Variants in CTIF observed in about 807,000 individuals in gnomAD.
CTIF encodes the protein cap binding complex dependent translation initiation factor, also known as CBP80/20-dependent translation initiation factor.
A neutral mutation model predicts 66.0 loss-of-function variants in CTIF; 21 were observed. That is an observed-to-expected ratio of 0.32 (90% CI 0.23 to 0.46). CTIF has a LOEUF of 0.46. Ranked by LOEUF, CTIF falls within the 20% of genes least tolerant of loss-of-function variation. The pLI is 1.00. For missense variants in CTIF, 739 were observed against 812.7 expected (o/e 0.91, Z 1.10); for synonymous variants, 345 against 326.4 (o/e 1.06, Z -0.62).
At chr18:48,695,389 A>G (rs901201229) in intron 6 of CTIF, among the ~76,000 whole-genome samples, 3 of 152,190 alleles carry the variant, frequency 2.0e-5, no homozygotes, top group Admixed American at 2.0e-4. Context: ...TGCCAGAGAA[A>G]GGGAACCCAC....
intron 3 of CTIF, among the ~76,000 whole-genome samples, chr18:48,644,754 G>A (rs1318256968): frequency 6.6e-6 from 1 of 152,210 alleles, no homozygotes; most frequent in Non-Finnish European, 1.5e-5. Context: ...TGTGAGTATG[G>A]GGAGGAGTAG....
At chr18:48,549,716 T>C (rs777754724) in intron 1 of CTIF, among the ~76,000 whole-genome samples, 1 of 152,200 alleles carries the variant, frequency 6.6e-6, no homozygotes, top group Non-Finnish European at 1.5e-5. Flanking sequence ...TGCTGAAGAT[T>C]CTATCAAGGC....
chr18:48,697,590 A>G (rs1218302136), intron 6 of CTIF, among the ~76,000 whole-genome samples: 1 of 152,184 alleles, frequency 6.6e-6, no homozygotes, highest in African/African-American at 2.4e-5. Context: ...GATGGTCCTT[A>G]AAGATCAGTG....
chr18:48,573,103 A>G (rs1486483430), intron 1 of CTIF, among the ~76,000 whole-genome samples: 2 of 152,310 alleles, frequency 1.3e-5, no homozygotes, highest in East Asian at 3.9e-4. Flanking sequence ...ATGTGGCTGA[A>G]GCAGTCTTTA....
intron 3 of CTIF, among the ~76,000 whole-genome samples, chr18:48,649,052 G>A (rs1190700845): frequency 6.6e-6 from 1 of 152,220 alleles, no homozygotes; most frequent in Non-Finnish European, 1.5e-5. Context: ...CAGAAGACAG[G>A]TGACTTCTGC....
At chr18:48,854,842 G>A (rs907583929) in intron 10 of CTIF, among the ~76,000 whole-genome samples, 3 of 152,198 alleles carry the variant, frequency 2.0e-5, no homozygotes, top group Non-Finnish European at 4.4e-5. Flanking sequence ...AGGATTGCTC[G>A]AGCCTAAGAG....
At chr18:48,771,831 A>C (rs1439773137) in intron 9 of CTIF, among the ~76,000 whole-genome samples, 1 of 152,188 alleles carries the variant, frequency 6.6e-6, no homozygotes, top group African/African-American at 2.4e-5. Context: ...CGCCGCGGGG[A>C]ATCTGAGCTA....
chr18:48,700,880 G>A (rs1303214663), intron 6 of CTIF, among the ~76,000 whole-genome samples: 4 of 152,222 alleles, frequency 2.6e-5, no homozygotes, highest in South Asian at 2.1e-4. Flanking sequence ...ACAGGGCACC[G>A]TGGGCATCCT....
At chr18:48,701,916 T>A (rs1285360228) in intron 6 of CTIF, among the ~76,000 whole-genome samples, 1 of 152,230 alleles carries the variant, frequency 6.6e-6, no homozygotes, top group East Asian at 1.9e-4. Flanking sequence ...TGTTAAATTA[T>A]TTAGGACTTT....
In CTIF at chr18:48,707,239, C is replaced by T. The variant is rs565606043; in HGVS notation, c.508-4380C>T. On this transcript the variant is annotated intron_variant, in intron 6 of 11. Coordinates refer to ENST00000256413, the MANE Select transcript of CTIF (RefSeq NM_014772.3). Reference sequence around the variant, plus strand: ...CCACTGTATGTGCTTTTAAAGGATACATTTCCCATTTACCATTCAAGGGAT... The same window carrying T: ...CCACTGTATGTGCTTTTAAAGGATATATTTCCCATTTACCATTCAAGGGAT... 5.9e-5 allele frequency among the ~76,000 whole-genome samples: 9 copies of T among 152,346 alleles called. No individual in the cohort carries two copies. In the East Asian group the frequency reaches 1.4e-3, roughly 23 times the overall value.
At chr18:48,854,632 TA>T (rs1255817614) in intron 10 of CTIF, among the ~76,000 whole-genome samples, 1 of 152,016 alleles carries the variant, frequency 6.6e-6, no homozygotes, top group Admixed American at 6.5e-5. Flanking sequence ...CCTTAAGACA[TA>T]AACCAGGCCA....
At chr18:48,720,279 G>A (rs889021121) in intron 7 of CTIF, among the ~76,000 whole-genome samples, 2 of 152,178 alleles carry the variant, frequency 1.3e-5, no homozygotes, top group Admixed American at 6.5e-5. Context: ...ATGGGGACGG[G>A]GGGGATGCTT....
intron 9 of CTIF, among the ~76,000 whole-genome samples, chr18:48,785,131 GTCCTTCCTTCCTTCTTTCTT>G (rs900497098): frequency 6.6e-6 from 1 of 151,860 alleles, no homozygotes; most frequent in African/African-American, 2.4e-5. Context: ...CTTCTCTTTT[GTCCTTCCTTCCTTCTTTCTT>G]TCCTTCCTTC....
In CTIF at chr18:48,727,078, A is replaced by C. The variant is rs530850336; in HGVS notation, c.584+15383A>C. ...AAGGAGGCAAGTTAGCTGCACACAC[A>C]CACACACACACACACACACACACAC... On this transcript the variant is annotated intron_variant, in intron 7 of 11. Transcript: ENST00000256413. Among the ~76,000 whole-genome samples the C allele has an allele frequency of 3.0e-4, 45 of 149,512 alleles. 1 individual carries two copies. The East Asian group carries it at 6.0e-3, about 20-fold the overall frequency.
intron 8 of CTIF, among the ~76,000 whole-genome samples, chr18:48,759,391 C>G (rs1269159043): frequency 2.0e-5 from 3 of 152,216 alleles, no homozygotes; most frequent in Non-Finnish European, 4.4e-5. Context: ...GAGGCCAGGC[C>G]CAGGGTCCAC....
rs1909034090 is a variant in CTIF, at chr18:48,761,852, G to T, written c.1371+163G>T. Among the ~76,000 whole-genome samples the T allele has an allele frequency of 6.6e-6, 1 of 152,254 alleles. No individual in the cohort carries two copies. Among genetic ancestry groups the T allele is most frequent in the African/African-American group, 2.4e-5 (1 of 41,470 alleles). On this transcript the variant is annotated intron_variant, in intron 9 of 11. Transcript: ENST00000256413. The surrounding 1 kb of genome is among the most constrained non-coding windows in gnomAD (Gnocchi z 4.2). ...AAACACAAAGGCAGTTAAGGGGCCA[G>T]GAATGAGCGGCTGGATTTGTGTGTG...
chr18:48,818,336 A>C lies in CTIF; in HGVS notation c.1527+960A>C, dbSNP rs139124691. 4.9e-3 allele frequency among the ~76,000 whole-genome samples: 740 copies of C among 152,208 alleles called. 8 individuals are homozygous for C. Among genetic ancestry groups the C allele is most frequent in the African/African-American group, 0.017 (693 of 41,522 alleles). The stretch of plus-strand genomic sequence containing the variant: ...GAATTTCTGAGTTAGAGCCAGCAGG[A>C]CTCGGTAATGTGAGTTGGAGGGAAG... On this transcript the variant is annotated intron_variant, in intron 10 of 11. Coordinates refer to ENST00000256413, the MANE Select transcript of CTIF (RefSeq NM_014772.3).
chr18:48,549,903 A>G (rs184324971), intron 1 of CTIF, among the ~76,000 whole-genome samples: 6 of 152,218 alleles, frequency 3.9e-5, no homozygotes, highest in African/African-American at 9.6e-5. Context: ...AAGTTTCAAG[A>G]TGTTTTTATT....
intron 7 of CTIF, among the ~76,000 whole-genome samples, chr18:48,754,408 T>A (rs1908138145): frequency 6.6e-6 from 1 of 152,188 alleles, no homozygotes; most frequent in Admixed American, 6.5e-5. Flanking sequence ...AGAAAGGTTC[T>A]TGGCCTGCCT....
Sources: gnomAD v4.1 joint callset for allele counts (sites outside exome capture counted in the v4.1 genomes callset) on GRCh38, gnomAD v4.1.1 for gene constraint, Gnocchi (gnomAD v3.1) non-coding constraint, MANE v1.5 for transcripts, NCBI Gene and HGNC (gene_info 2026-07-23, HGNC 2026-07-21) for gene names.